CCDC88A: variants seen among roughly 807,000 people sequenced by gnomAD.
CCDC88A encodes coiled-coil and HOOK domain protein 88A.
Under a neutral mutation model 234.3 loss-of-function variants are expected in CCDC88A, and 54 were observed. That is an observed-to-expected ratio of 0.23 (90% CI 0.19 to 0.29). The LOEUF (loss-of-function observed/expected upper bound fraction) is 0.29. Ranked by LOEUF, CCDC88A falls within the 10% of genes least tolerant of loss-of-function variation. The probability of loss-of-function intolerance (pLI) is 1.00; values close to 1 mark genes in which losing one functional copy is unlikely to be tolerated. For missense variants in CCDC88A, 1,832 were observed against 2,123.4 expected, an observed-to-expected ratio of 0.86 and a Z score of 2.70; for synonymous variants, 753 against 737.8, an observed-to-expected ratio of 1.02 and a Z score of -0.33.
At chr2:55,359,508 G>T (rs1382071891) in intron 7 of CCDC88A, among the ~76,000 whole-genome samples, 1 of 151,544 alleles carries the variant, frequency 6.6e-6, no homozygotes, top group Non-Finnish European at 1.5e-5. Flanking sequence ...AAAATAGTCT[G>T]ACTCAAAAAC....
rs1684538634 is a variant in CCDC88A at position 55,328,613 on chromosome 2, G to A, written c.2856-178C>T. 2.4e-6 allele frequency: 1 copy of A among 414,480 alleles called. No homozygotes were observed. Among genetic ancestry groups the A allele is most frequent in the Non-Finnish European group, 4.2e-6 (1 of 239,668 alleles). 25.7% of individuals were successfully genotyped at this position (414,480 alleles called of 1,614,324 possible). A position where few individuals can be genotyped will look rare whatever the true frequency, so the allele number is the denominator to read the frequency against. ...CATTCTCCCTTTAAAACTAATCCTG[G>A]TAATGAAGCAACAAAATCATTGAGT... On this transcript the variant is annotated intron_variant, in intron 16 of 32. Transcript: ENST00000436346. This position sits in a 1 kb window ranked among gnomAD's most constrained non-coding sequence, Gnocchi z 4.3.
Position 55,344,381 on chromosome 2 carries a change from T to C in CCDC88A, c.1175A>G (p.His392Arg). The change falls in exon 11 of 33, where the codon CAT becomes CGT. Residue 392 changes from histidine to arginine, a missense_variant. Physicochemically the swap from His to Arg is conservative, Grantham distance 29. Transcript: ENST00000436346. ...CTTAAAACTTACCATTTCCATATCATGAAGTTTAGCTTTCAGTTGTAAGTT... is the reference window on the plus strand; with the variant it reads ...CTTAAAACTTACCATTTCCATATCACGAAGTTTAGCTTTCAGTTGTAAGTT... ...KENLQLKAKL[H>R]DMEMERDMDR... 1 of 1,580,136 alleles carries C rather than the reference T, an allele frequency of 6.3e-7. No homozygotes were observed. The highest frequency in any genetic ancestry group is 8.6e-7 in the Non-Finnish European group (1 of 1,163,614).
chr2:55,306,746 T>G (rs1327561255), intron 25 of CCDC88A, among the ~76,000 whole-genome samples: 1 of 152,108 alleles, frequency 6.6e-6, no homozygotes, highest in East Asian at 1.9e-4. Context: ...TGGGCTAATT[T>G]TGGATTTTTA....
Position 55,375,469 on chromosome 2 carries a change from CTATATATATATATATATATATA to C in CCDC88A, c.274-608_274-587del, listed in dbSNP as rs869279076. On this transcript the variant is annotated intron_variant, in intron 3 of 32. Coordinates refer to ENST00000436346, the MANE Select transcript of CCDC88A (RefSeq NM_001365480.1). ...CAAATTTATAAGTACTGTCACTGTA[CTATATATATATATATATATATA>C]TATATATATATATATATATATGTAT... Among the ~76,000 whole-genome samples, 33 of 26,612 alleles carry C rather than the reference CTATATATATATATATATATATA, an allele frequency of 1.2e-3. 1 individual carries two copies. Among genetic ancestry groups the C allele is most frequent in the Middle Eastern group, 0.023 (1 of 44 alleles). The allele number at this position is 26,612 out of a possible 152,430, so 17.5% of individuals were successfully genotyped here.
chr2:55,406,923 AG>A (rs1410218009), intron 2 of CCDC88A, among the ~76,000 whole-genome samples: 1 of 152,240 alleles, frequency 6.6e-6, no homozygotes, highest in Non-Finnish European at 1.5e-5. Flanking sequence ...AGTCACATTA[AG>A]AATACAAGCC....
chr2:55,368,495 AT>A (rs1003672881), intron 5 of CCDC88A, among the ~76,000 whole-genome samples: 6 of 149,746 alleles, frequency 4.0e-5, no homozygotes, highest in East Asian at 2.0e-4. Context: ...TTAAAAAAAA[AT>A]TTTTTTTTGT....
intron 2 of CCDC88A, among the ~76,000 whole-genome samples, chr2:55,402,416 A>G (rs1384755619): frequency 1.3e-5 from 2 of 152,170 alleles, no homozygotes; most frequent in Admixed American, 1.3e-4. Flanking sequence ...TAATTAGAAA[A>G]AGGAAAATTA....
At chr2:55,381,488 GGTTGC>G (rs1467804178) in intron 3 of CCDC88A, among the ~76,000 whole-genome samples, 1 of 142,198 alleles carries the variant, frequency 7.0e-6, no homozygotes, top group East Asian at 2.1e-4. Context: ...AGGAGGCGGA[GGTTGC>G]AGTTAGCCAA....
chr2:55,368,342 G>A (rs1672315761), intron 5 of CCDC88A, among the ~76,000 whole-genome samples: 1 of 152,008 alleles, frequency 6.6e-6, no homozygotes, highest in African/African-American at 2.4e-5. Context: ...TTGGATAATG[G>A]TTAACTTTAC....
At chr2:55,374,505 T>C (rs1673301248) in intron 4 of CCDC88A, among the ~76,000 whole-genome samples, 1 of 152,214 alleles carries the variant, frequency 6.6e-6, no homozygotes. Context: ...TAAGGTAATA[T>C]TCTTTTAAGT....
Position 55,316,043 on chromosome 2 carries a change from C to A in CCDC88A, c.3818G>T (p.Ser1273Ile). 1 of 1,588,516 alleles carries A rather than the reference C, an allele frequency of 6.3e-7. No individual in the cohort carries two copies. Among genetic ancestry groups the A allele is most frequent in the Non-Finnish European group, 8.6e-7 (1 of 1,164,112 alleles). ...TTCCAGTTTGGAATTATTCAGAAGA[C>A]TTTTCAAATTTTTATGGTCAGTTTG... ...VLQTDHKNLK[S>I]LLNNSKLEQT... The change falls in exon 22 of 33, where the codon AGT becomes ATT. Residue 1273 changes from serine (S) to isoleucine (I), a missense_variant. By Grantham distance (142) the Ser-to-Ile change is moderately radical (BLOSUM62 -2). Around this residue, in one of 6 missense-constraint regions of CCDC88A, gnomAD observed 1,282 missense variants for 1,543.6 expected, o/e 0.83. Transcript: ENST00000436346.
In CCDC88A at chr2:55,295,889, A is replaced by C; in HGVS notation, c.5259T>G (p.Phe1753Leu). 1 of 1,614,166 alleles carries C rather than the reference A, an allele frequency of 6.2e-7. No individual in the cohort carries two copies. Among genetic ancestry groups the C allele is most frequent in the South Asian group, 1.1e-5 (1 of 91,084 alleles). Residue 1753 changes from phenylalanine to leucine, a missense_variant, in exon 31 of 33, where the codon TTT (phenylalanine) becomes TTG (leucine). Phe to Leu is a conservative substitution (Grantham distance 22). This residue lies in a region of CCDC88A where 422 missense variants were observed against 416.5 expected (regional missense o/e 1.01). Coordinates refer to ENST00000436346, the MANE Select transcript of CCDC88A (RefSeq NM_001365480.1). ...CAGTTTTTCGAGGACCAGGTCTCAA[A>C]AACTCAGGCTTAGTTGTCCGTCTAT... Reference protein sequence around the residue: ...FYDRRTTKPEFLRPGPRKTED... With the variant: ...FYDRRTTKPELLRPGPRKTED...
chr2:55,413,308 T>G (rs1158581134), intron 2 of CCDC88A, among the ~76,000 whole-genome samples: 2 of 152,118 alleles, frequency 1.3e-5, no homozygotes, highest in Non-Finnish European at 2.9e-5. Context: ...ATAATAATAA[T>G]GACAGCAACC....
rs144009079 is a variant in CCDC88A at position 55,296,368 on chromosome 2, A to G, written c.4981T>C (p.Ser1661Pro). The G allele has an allele frequency of 7.6e-4, 1,222 of 1,614,120 alleles. 2 individuals are homozygous for G. Among genetic ancestry groups the G allele is most frequent in the Non-Finnish European group, 7.8e-4 (916 of 1,180,006 alleles). The change falls in exon 30 of 33, where the codon TCT (serine) becomes CCT (proline). Residue 1661 changes from serine to proline, a missense_variant. Physicochemically the swap from Ser to Pro is moderately conservative, Grantham distance 74. This residue lies in a region of CCDC88A where 422 missense variants were observed against 416.5 expected (regional missense o/e 1.01). Transcript: ENST00000436346. ...RSSPVLQHKISETLESRHHKI... is the reference protein window; with the variant it reads ...RSSPVLQHKIPETLESRHHKI... ...TGATGTCGACTCTCCAGTGTTTCAG[A>G]TATTTTGTGCTGGAGCACTGGGCTT...
intron 2 of CCDC88A, among the ~76,000 whole-genome samples, chr2:55,397,897 T>G (rs1677891103): frequency 6.6e-6 from 1 of 152,126 alleles, no homozygotes; most frequent in Non-Finnish European, 1.5e-5. Context: ...ATATTAAGTT[T>G]TTTTAGACTT....
Position 55,334,125 on chromosome 2 carries a change from A to G in CCDC88A, c.2696T>C (p.Ile899Thr), listed in dbSNP as rs1685232609. The G allele has an allele frequency of 4.5e-6, 6 of 1,325,682 alleles. No individual in the cohort carries two copies. The highest frequency in any genetic ancestry group is 2.8e-5 in the East Asian group (1 of 36,198). The allele number at this position is 1,325,682 out of a possible 1,614,324, so 82.1% of individuals were successfully genotyped here. The change falls in exon 15 of 33, where the codon ATT (isoleucine) becomes ACT (threonine). Residue 899 changes from isoleucine (I) to threonine (T), a missense_variant. Physicochemically the swap from Ile to Thr is moderately conservative, Grantham distance 89. Around this residue, in one of 6 missense-constraint regions of CCDC88A, gnomAD observed 1,282 missense variants for 1,543.6 expected, o/e 0.83. Transcript: ENST00000436346. This position sits in a 1 kb window ranked among gnomAD's most constrained non-coding sequence, Gnocchi z 6.1. ...TAGTGTAACCAACGTTTTTATATCA[A>G]TAGTTGCTCTTTTCACAAGCTCCTT... ...ENKELVKRAT[I>T]DIKTLVTLRE...
intron 22 of CCDC88A, 95 bp from the exon 23 acceptor site, chr2:55,312,674 C>A: frequency 1.1e-6 from 1 of 870,176 alleles, no homozygotes. Flanking sequence ...TTTAAGTGTT[C>A]CACTGTTTGA....
chr2:55,346,451 C>A, intron 9 of CCDC88A, 118 bp from the exon 10 acceptor site: 1 of 536,500 alleles, frequency 1.9e-6, no homozygotes, highest in Non-Finnish European at 2.9e-6. Flanking sequence ...TGGAGTTTCA[C>A]TCTTGTTGCC....
At position 55,393,289 on chromosome 2, in the gene CCDC88A, G is replaced by GTTTTTTTTTT. The variant is rs558827055; in HGVS notation, c.165-4413_165-4404dup. Among the ~76,000 whole-genome samples, 29 of 61,678 alleles carry GTTTTTTTTTT rather than the reference G, an allele frequency of 4.7e-4. 3 individuals carry two copies. Among genetic ancestry groups the GTTTTTTTTTT allele is most frequent in the South Asian group, 1.4e-3 (2 of 1,390 alleles). The allele number at this position is 61,678 out of a possible 152,430, so 40.5% of individuals were successfully genotyped here. ...TAGAGTTTTGATTTTGGTTTTTTGG[G>GTTTTTTTTTT]TTTTTTTTTTTTTTTTTTTTTTTGC... On this transcript the variant is annotated intron_variant, in intron 2 of 32. Coordinates refer to ENST00000436346, the MANE Select transcript of CCDC88A (RefSeq NM_001365480.1).
Sources: gnomAD v4.1 joint callset for allele counts (sites outside exome capture counted in the v4.1 genomes callset) on GRCh38, gnomAD v4.1.1 for gene constraint, gnomAD v4.1.1 regional missense constraint, Gnocchi (gnomAD v3.1) non-coding constraint, MANE v1.5 for transcripts, NCBI Gene and HGNC (gene_info 2026-07-23, HGNC 2026-07-21) for gene names.